DOCK11: variants seen among roughly 807,000 people sequenced by gnomAD.
DOCK11 encodes the protein dedicator of cytokinesis 11, also known as dedicator of cytokinesis protein 11.
Under a neutral mutation model 169.1 loss-of-function variants are expected in DOCK11, and 70 were observed. That is an observed-to-expected ratio of 0.41 (90% CI 0.34 to 0.51). DOCK11 has a LOEUF of 0.51. Among genes scored for constraint, DOCK11 ranks in the 20% least tolerant of loss-of-function variants. The probability of loss-of-function intolerance (pLI) is 0.10; values close to 1 mark genes in which losing one functional copy is unlikely to be tolerated. For synonymous variants in DOCK11, 529 were observed against 541.3 expected, an observed-to-expected ratio of 0.98 and a Z score of 0.32; for missense variants, 1,166 against 1,538.8, an observed-to-expected ratio of 0.76 and a Z score of 4.05.
In DOCK11 at chrX:118,566,149, C is replaced by G. The variant is rs1569417877; in HGVS notation, c.838C>G (p.Gln280Glu). ...TCAGATCAACACCGACAGTTTAGTT[C>G]AAGAAAAAAAGGAGACGGTAGAAAC... ...IIQINTDSLVQEKKETVETAQ... is the reference protein window; with the variant it reads ...IIQINTDSLVEEKKETVETAQ... The change falls in exon 8 of 53, where the codon CAA becomes GAA. Residue 280 changes from glutamine to glutamate, a missense_variant. Gln to Glu is a conservative substitution (Grantham distance 29). Coordinates refer to ENST00000276202, the MANE Select transcript of DOCK11 (RefSeq NM_144658.4). The G allele has an allele frequency of 8.3e-7, 1 of 1,200,192 alleles. No individual in the cohort carries two copies. Among genetic ancestry groups the G allele is most frequent in the East Asian group, 3.0e-5 (1 of 33,742 alleles).
intron 23 of DOCK11, among the ~76,000 whole-genome samples, chrX:118,601,944 AT>A (rs55740749): frequency 0.067 from 6,319 of 94,947 alleles, 189 homozygotes; most frequent in Non-Finnish European, 0.089. Context: ...TGCCCAGCTA[AT>A]TTTTTTTTTT....
intron 48 of DOCK11, among the ~76,000 whole-genome samples, chrX:118,678,364 C>T (rs747894159): frequency 5.0e-4 from 56 of 111,654 alleles, no homozygotes; most frequent in Middle Eastern, 4.6e-3. Context: ...AAAGAAATGG[C>T]GGTATTACCC....
intron 4 of DOCK11, among the ~76,000 whole-genome samples, chrX:118,544,645 CTTTTTTTTTTTTTTTT>C (rs1157804079): frequency 6.8e-4 from 16 of 23,362 alleles, no homozygotes; most frequent in Admixed American, 1.4e-3. Context: ...TACACTGTTG[CTTTTTTTTTTTTTTTT>C]TTTTTTTTTT....
chrX:118,532,410 T>C (rs1697615919), intron 1 of DOCK11, among the ~76,000 whole-genome samples: 1 of 110,527 alleles, frequency 9.0e-6, no homozygotes, highest in African/African-American at 3.3e-5. Context: ...ACGGTAAAAT[T>C]CAGGGCATGA....
chrX:118,675,552 G>C (rs2016588069), intron 46 of DOCK11, among the ~76,000 whole-genome samples: 1 of 109,387 alleles, frequency 9.1e-6, no homozygotes, highest in Non-Finnish European at 1.9e-5. Flanking sequence ...CACAGAGAGG[G>C]GAACAACTCA....
Position 118,641,216 on chromosome X carries a change from T to C in DOCK11, c.4171T>C (p.Phe1391Leu). The C allele has an allele frequency of 1.7e-6, 2 of 1,209,518 alleles. No individual in the cohort carries two copies. Among genetic ancestry groups the C allele is most frequent in the Non-Finnish European group, 2.2e-6 (2 of 893,334 alleles). Residue 1391 changes from phenylalanine to leucine, a missense_variant, in exon 39 of 53, where the codon TTC (phenylalanine) becomes CTC (leucine). Physicochemically the swap from Phe to Leu is conservative, Grantham distance 22 (BLOSUM62 0). Coordinates refer to ENST00000276202, the MANE Select transcript of DOCK11 (RefSeq NM_144658.4). ...HSSTTTEADI[F>L]HQALLEGNTA... Reference sequence around the variant, plus strand: ...TTCTACAACAACTGAAGCAGACATTTTCCACCAGGCACTTCTTGAAGGCAA... The same window carrying C: ...TTCTACAACAACTGAAGCAGACATTCTCCACCAGGCACTTCTTGAAGGCAA...
chrX:118,607,484 T>C (rs1472566564), intron 24 of DOCK11, among the ~76,000 whole-genome samples: 2 of 89,106 alleles, frequency 2.2e-5, no homozygotes, highest in African/African-American at 4.3e-5. Flanking sequence ...TGCAGTGGCG[T>C]GATCTTGGCT....
At chrX:118,593,795 C>G (rs1309837559) in intron 20 of DOCK11, among the ~76,000 whole-genome samples, 7 of 111,483 alleles carry the variant, frequency 6.3e-5, no homozygotes, top group Non-Finnish European at 9.4e-5. Context: ...ACAGCCAAAC[C>G]ATATCAAGCA....
chrX:118,645,067 T>C (rs899031555), intron 40 of DOCK11, among the ~76,000 whole-genome samples: 1 of 112,001 alleles, frequency 8.9e-6, no homozygotes, highest in African/African-American at 3.2e-5. Flanking sequence ...TGATCATCAG[T>C]CCACTGACAG....
chrX:118,573,453 T>C (rs1477050939), intron 11 of DOCK11, among the ~76,000 whole-genome samples: 2 of 112,929 alleles, frequency 1.8e-5, no homozygotes, highest in Non-Finnish European at 3.7e-5. Flanking sequence ...TACTGTAATA[T>C]TGGCATTATT....
chrX:118,567,985 C>T, intron 9 of DOCK11, 94 bp from the exon 10 acceptor site: 1 of 412,356 alleles, frequency 2.4e-6, no homozygotes. Context: ...GAAGCTGTGA[C>T]AGATTGATAG....
intron 45 of DOCK11, among the ~76,000 whole-genome samples, chrX:118,669,526 AGGGGG>A (rs2016417640): frequency 9.0e-6 from 1 of 111,542 alleles, no homozygotes; most frequent in Non-Finnish European, 1.9e-5. Flanking sequence ...ACGTGATGGA[AGGGGG>A]TGAGCTAACT....
intron 14 of DOCK11, 69 bp downstream of exon 14, chrX:118,580,248 C>T: frequency 2.2e-6 from 2 of 898,812 alleles, no homozygotes; most frequent in Non-Finnish European, 3.1e-6. Flanking sequence ...GTTATACTTA[C>T]CAGCATTCAG....
chrX:118,557,564 G>A (rs1374502853), intron 6 of DOCK11, among the ~76,000 whole-genome samples: 1 of 108,912 alleles, frequency 9.2e-6, no homozygotes, highest in East Asian at 2.9e-4. Flanking sequence ...GTCAGATCGA[G>A]ACCATCCTGG....
intron 40 of DOCK11, among the ~76,000 whole-genome samples, chrX:118,646,301 T>C (rs921468079): frequency 9.2e-6 from 1 of 108,599 alleles, no homozygotes; most frequent in African/African-American, 3.4e-5. Flanking sequence ...GCCATGGGAG[T>C]GGTTTGATTT....
intron 20 of DOCK11, among the ~76,000 whole-genome samples, chrX:118,594,887 G>A (rs763216009): frequency 9.1e-6 from 1 of 110,390 alleles, no homozygotes; most frequent in African/African-American, 3.3e-5. Context: ...TGGGGTGAAG[G>A]AACAGCTTGT....
Position 118,593,357 on chromosome X carries a change from GTC to G in DOCK11, c.2263+28_2263+29del, listed in dbSNP as rs1448999491. Reference sequence around the variant, plus strand: ...CTCCAGGTACGTGTTCTCTTTAAATGTCTCTCTCTACAGTTATTTGAAATGGA... The same window carrying G: ...CTCCAGGTACGTGTTCTCTTTAAATGTCTCTCTACAGTTATTTGAAATGGA... On this transcript the variant is annotated intron_variant, in intron 20 of 52. Coordinates refer to ENST00000276202, the MANE Select transcript of DOCK11 (RefSeq NM_144658.4). The G allele has an allele frequency of 1.2e-5, 14 of 1,185,491 alleles. No homozygotes were observed. Among genetic ancestry groups the G allele is most frequent in the Non-Finnish European group, 1.6e-5 (14 of 883,951 alleles).
chrX:118,666,971 G>A (rs1002268426), intron 45 of DOCK11, among the ~76,000 whole-genome samples: 1 of 111,612 alleles, frequency 9.0e-6, no homozygotes, highest in Non-Finnish European at 1.9e-5. Flanking sequence ...CCTAATAACC[G>A]ATGATGTCTA....
intron 30 of DOCK11, 84 bp from the exon 31 acceptor site, chrX:118,618,466 A>G (rs981102801): frequency 1.6e-5 from 11 of 702,823 alleles, no homozygotes; most frequent in Admixed American, 7.6e-5. Flanking sequence ...GCATGATCAC[A>G]TATTATTAAA....
Sources: gnomAD v4.1 joint callset for allele counts (sites outside exome capture counted in the v4.1 genomes callset) on GRCh38, gnomAD v4.1.1 for gene constraint, MANE v1.5 for transcripts, NCBI Gene and HGNC (gene_info 2026-07-23, HGNC 2026-07-21) for gene names.